Variants in USP28 observed in about 807,000 individuals in gnomAD.
USP28 encodes the protein ubiquitin carboxyl-terminal hydrolase 28.
USP28 carries 113 observed loss-of-function variants against 145.0 expected under a neutral mutation model. The ratio of observed to expected loss-of-function variants is 0.78; its 90% CI spans 0.67 to 0.91. USP28 has a LOEUF of 0.91. Ranked by LOEUF, USP28 falls within the 40% of genes least tolerant of loss-of-function variation. The pLI, the probability that USP28 is intolerant of heterozygous loss-of-function variation, is 0.00. For missense variants in USP28, 1,201 were observed against 1,289.6 expected, an observed-to-expected ratio of 0.93 and a Z score of 1.05; for synonymous variants, 447 against 450.9, an observed-to-expected ratio of 0.99 and a Z score of 0.11.
At chr11:113,854,173 G>T in intron 2 of USP28, 85 bp downstream of exon 2, 1 of 1,254,972 alleles carries the variant, frequency 8.0e-7, no homozygotes. Flanking sequence ...CTTTAATTTG[G>T]GAATAGAAAT....
chr11:113,808,704 C>G (rs900201686), intron 17 of USP28, among the ~76,000 whole-genome samples: 34 of 152,318 alleles, frequency 2.2e-4, no homozygotes, highest in African/African-American at 7.5e-4. Flanking sequence ...TATTTCTATC[C>G]ATTAAGAAAA....
intron 13 of USP28, among the ~76,000 whole-genome samples, chr11:113,815,983 C>T (rs74507276): frequency 0.091 from 13,818 of 152,132 alleles, 793 homozygotes; most frequent in Middle Eastern, 0.17. Context: ...TAGCTAAATA[C>T]CCAAGGAAAA....
chr11:113,852,279 C>T (rs921406924), intron 3 of USP28, among the ~76,000 whole-genome samples: 14 of 152,192 alleles, frequency 9.2e-5, no homozygotes, highest in Admixed American at 6.5e-4. Context: ...CCGCCTGCCT[C>T]GGCCTCCCAA....
chr11:113,838,219 C>T (rs1408019941), intron 5 of USP28, among the ~76,000 whole-genome samples: 4 of 152,240 alleles, frequency 2.6e-5, no homozygotes, highest in East Asian at 3.9e-4. Flanking sequence ...GGTGGGGGGG[C>T]GGTGGTTGTG....
intron 8 of USP28, among the ~76,000 whole-genome samples, chr11:113,831,156 G>C (rs1258763523): frequency 6.6e-6 from 1 of 152,162 alleles, no homozygotes; most frequent in Admixed American, 6.5e-5. Context: ...ACAAAGACAA[G>C]AAGGCCCAAT....
At chr11:113,874,669 G>A (rs1949192813) in intron 1 of USP28, 2 of 1,260,604 alleles carry the variant, frequency 1.6e-6, no homozygotes, top group Non-Finnish European at 2.0e-6. Context: ...ACATTCCGAA[G>A]TAACACTAGA....
At chr11:113,834,030 C>A (rs1283673598) in intron 6 of USP28, among the ~76,000 whole-genome samples, 1 of 152,220 alleles carries the variant, frequency 6.6e-6, no homozygotes, top group Non-Finnish European at 1.5e-5. Flanking sequence ...CCCACATATT[C>A]TTGGAGCTGT....
intron 16 of USP28, among the ~76,000 whole-genome samples, chr11:113,809,895 C>T (rs536316011): frequency 6.6e-6 from 1 of 152,008 alleles, no homozygotes; most frequent in Non-Finnish European, 1.5e-5. Context: ...ATTAGTCAAG[C>T]GTGGTGGCGC....
Position 113,852,640 on chromosome 11 carries a change from G to T in USP28, c.136-7C>A. 1.9e-6 allele frequency: 3 copies of T among 1,611,384 alleles called. No individual in the cohort carries two copies. In the African/African-American group the frequency reaches 4.1e-5, roughly 22 times the overall value. On this transcript the variant is annotated splice_region_variant and splice_polypyrimidine_tract_variant and intron_variant, in intron 2 of 24. Transcript: ENST00000003302. ...TAATGTCACCATTACTGGCCTATGGGAGAAAAAGACAATAGAAATTTCAAA... is the reference window on the plus strand; with the variant it reads ...TAATGTCACCATTACTGGCCTATGGTAGAAAAAGACAATAGAAATTTCAAA...
intron 11 of USP28, among the ~76,000 whole-genome samples, chr11:113,825,690 T>C (rs1242239729): frequency 6.6e-6 from 1 of 152,198 alleles, no homozygotes; most frequent in African/African-American, 2.4e-5. Flanking sequence ...ATGAACAACA[T>C]GGGTGAATCC....
intron 1 of USP28, among the ~76,000 whole-genome samples, chr11:113,862,137 A>T (rs1032271714): frequency 1.3e-5 from 2 of 152,192 alleles, no homozygotes; most frequent in Admixed American, 6.5e-5. Flanking sequence ...ACCTGAGGTC[A>T]GGAGTTCAAG....
chr11:113,869,913 A>T (rs1948652619), intron 1 of USP28, among the ~76,000 whole-genome samples: 1 of 152,248 alleles, frequency 6.6e-6, no homozygotes, highest in African/African-American at 2.4e-5. Flanking sequence ...CTGTAATCCC[A>T]GCACTTTGGG....
chr11:113,837,992 G>C (rs1443803333), intron 5 of USP28, among the ~76,000 whole-genome samples: 10 of 149,922 alleles, frequency 6.7e-5, no homozygotes, highest in African/African-American at 2.4e-4. Context: ...TAATTTCACA[G>C]AGGAAAAAAA....
At chr11:113,870,619 A>C (rs1402060907) in intron 1 of USP28, among the ~76,000 whole-genome samples, 2 of 152,344 alleles carry the variant, frequency 1.3e-5, no homozygotes, top group Middle Eastern at 6.8e-3. Context: ...GTCCCTCTGC[A>C]GGCCTCTGAA....
intron 5 of USP28, among the ~76,000 whole-genome samples, chr11:113,836,503 G>A (rs918971435): frequency 1.3e-5 from 2 of 152,204 alleles, no homozygotes; most frequent in African/African-American, 2.4e-5. Flanking sequence ...TGAAGCTCCC[G>A]ATTCACTGAA....
chr11:113,809,392 G>C (rs1940591607), intron 16 of USP28, 138 bp from the exon 17 acceptor site: 3 of 833,606 alleles, frequency 3.6e-6, no homozygotes, highest in South Asian at 3.7e-5. Flanking sequence ...CAGAAATGCA[G>C]GCTGAGTATC....
intron 1 of USP28, among the ~76,000 whole-genome samples, chr11:113,854,996 A>G (rs1473191789): frequency 6.6e-6 from 1 of 152,196 alleles, no homozygotes; most frequent in Non-Finnish European, 1.5e-5. Context: ...AAGATGTGCT[A>G]TTTTAAGCTT....
chr11:113,799,507 A>C, intron 24 of USP28, 92 bp from the exon 26 acceptor site: 101 of 1,387,504 alleles, frequency 7.3e-5, no homozygotes, highest in Middle Eastern at 1.9e-4. Flanking sequence ...ACCTAACCTC[A>C]AAGGTCAAAG....
At chr11:113,874,594 A>G (rs1279646186) in intron 1 of USP28, 2 of 1,288,640 alleles carry the variant, frequency 1.6e-6, no homozygotes, top group African/African-American at 3.0e-5. Context: ...CAACTGGCAC[A>G]GATTTCCCGT....
Sources: gnomAD v4.1 joint callset for allele counts (sites outside exome capture counted in the v4.1 genomes callset) on GRCh38, gnomAD v4.1.1 for gene constraint, MANE v1.5 for transcripts, NCBI Gene and HGNC (gene_info 2026-07-23, HGNC 2026-07-21) for gene names.